The following PLEKHA6 variants were observed in gnomAD, a reference collection of about 807,000 sequenced individuals.
PLEKHA6 encodes the protein pleckstrin homology domain containing A6, also known as pleckstrin homology domain-containing family A member 6.
A neutral mutation model predicts 116.7 loss-of-function variants in PLEKHA6; 60 were observed. The ratio of observed to expected loss-of-function variants is 0.51; its 90% CI spans 0.42 to 0.64. The LOEUF (loss-of-function observed/expected upper bound fraction) is 0.64, where lower values mean the gene tolerates loss of function less well. PLEKHA6 is among the 30% of genes least tolerant of loss of function. The pLI is 0.00. For missense variants in PLEKHA6, 1,338 were observed against 1,422.7 expected, an observed-to-expected ratio of 0.94 and a Z score of 0.96; for synonymous variants, 489 against 556.1, an observed-to-expected ratio of 0.88 and a Z score of 1.70.
intron 21 of PLEKHA6, among the ~76,000 whole-genome samples, chr1:204,224,132 T>G (rs1558006765): frequency 6.6e-6 from 1 of 152,082 alleles, no homozygotes; most frequent in African/African-American, 2.4e-5. Context: ...CGGAAACATG[T>G]TCCCTGCTAA....
intron 22 of PLEKHA6, among the ~76,000 whole-genome samples, chr1:204,222,981 G>A (rs997696071): frequency 1.3e-5 from 2 of 152,212 alleles, no homozygotes; most frequent in African/African-American, 2.4e-5. Flanking sequence ...TGGGCTAGGG[G>A]CAAGGGAAGG....
At chr1:204,252,468 T>C (rs574863155) in intron 9 of PLEKHA6, among the ~76,000 whole-genome samples, 3 of 152,132 alleles carry the variant, frequency 2.0e-5, no homozygotes, top group Admixed American at 6.5e-5. Context: ...TATCAGGGAA[T>C]GTCTTTGGCT....
Position 204,257,247 on chromosome 1 carries a change from GC to G in PLEKHA6, c.1524+105del. ...GGTCCTGCAGACAAACGGCCCAGTG[GC>G]CCCGTGGCACAGATGCTCCCACATC... On this transcript the variant is annotated intron_variant, in intron 9 of 22. Transcript: ENST00000272203. This position sits in a 1 kb window ranked among gnomAD's most constrained non-coding sequence, Gnocchi z 6.5. 2.7e-6 allele frequency: 3 copies of G among 1,098,312 alleles called. No homozygotes were observed. Among genetic ancestry groups the G allele is most frequent in the Non-Finnish European group, 4.0e-6 (3 of 752,442 alleles). The allele number at this position is 1,098,312 out of a possible 1,614,324, so 68.0% of individuals were successfully genotyped here.
At chr1:204,262,908 C>G (rs1666310415) in intron 6 of PLEKHA6, among the ~76,000 whole-genome samples, 1 of 152,090 alleles carries the variant, frequency 6.6e-6, no homozygotes, top group South Asian at 2.1e-4. Context: ...CCCAAGCAAG[C>G]CTTCTAGGTG....
intron 1 of PLEKHA6, among the ~76,000 whole-genome samples, chr1:204,321,253 A>G (rs1470066950): frequency 6.6e-6 from 1 of 152,134 alleles, no homozygotes; most frequent in African/African-American, 2.4e-5. Context: ...CAGGCAGGCT[A>G]CAAGCCTCTC....
At chr1:204,317,038 C>T (rs1671887169) in intron 1 of PLEKHA6, 1 of 156,652 alleles carries the variant, frequency 6.4e-6, no homozygotes, top group Non-Finnish European at 1.4e-5. Flanking sequence ...TTCCAGTCTC[C>T]TCCAGCCTGG....
At chr1:204,231,858 G>A (rs527614507) in intron 17 of PLEKHA6, among the ~76,000 whole-genome samples, 97 of 152,160 alleles carry the variant, frequency 6.4e-4, no homozygotes, top group African/African-American at 2.2e-3. Flanking sequence ...GAGCCACCAT[G>A]CCTGGTCTGT....
chr1:204,268,578 CTTTT>C (rs68190806), intron 3 of PLEKHA6, among the ~76,000 whole-genome samples: 1 of 136,636 alleles, frequency 7.3e-6, no homozygotes. Context: ...GTCTCACAGC[CTTTT>C]TTTTTTTTTT....
At chr1:204,268,357 T>G in intron 3 of PLEKHA6, 45 bp from the exon 4 acceptor site, 1 of 1,406,812 alleles carries the variant, frequency 7.1e-7, no homozygotes, top group Non-Finnish European at 9.8e-7. Flanking sequence ...AGTCTCCTCC[T>G]TCCTGCTTTA....
At chr1:204,245,816 C>T (rs751845349) in intron 13 of PLEKHA6, 90 bp from the exon 14 acceptor site, 1 of 864,064 alleles carries the variant, frequency 1.2e-6, no homozygotes, top group Non-Finnish European at 1.9e-6. Flanking sequence ...ACCCACATCC[C>T]TTTGGGCCAG....
In PLEKHA6 at chr1:204,247,953, T is replaced by TAAA. The variant is rs10667581; in HGVS notation, c.1825-496_1825-494dup. Among the ~76,000 whole-genome samples, 495 of 148,288 alleles carry TAAA rather than the reference T, an allele frequency of 3.3e-3. 3 individuals are homozygous for TAAA. The highest frequency in any genetic ancestry group is 5.7e-3 in the Admixed American group (85 of 14,936). ...GGGTGACACAGTGAGACCCTGTTCT[T>TAAA]AAAAAAAAAAAAATTTAAGTGGAGG... On this transcript the variant is annotated intron_variant, in intron 12 of 22. Coordinates refer to ENST00000272203, the MANE Select transcript of PLEKHA6 (RefSeq NM_014935.5).
At chr1:204,318,918 G>T (rs1489665197) in intron 1 of PLEKHA6, among the ~76,000 whole-genome samples, 1 of 152,184 alleles carries the variant, frequency 6.6e-6, no homozygotes, top group Admixed American at 6.5e-5. Flanking sequence ...GAGTGAGCCC[G>T]CAGTGCAGAG....
intron 1 of PLEKHA6, chr1:204,299,523 CAG>C (rs1670612249): frequency 1.9e-6 from 1 of 526,500 alleles, no homozygotes; most frequent in Non-Finnish European, 2.4e-6. Context: ...CCGAAGGACT[CAG>C]GGAGCTCTGA....
intron 1 of PLEKHA6, among the ~76,000 whole-genome samples, chr1:204,349,540 CA>C (rs11403796): frequency 0.058 from 6,711 of 115,106 alleles, 442 homozygotes; most frequent in African/African-American, 0.19. Flanking sequence ...GACTCCATCT[CA>C]AAAAAAAAAA....
intron 1 of PLEKHA6, among the ~76,000 whole-genome samples, chr1:204,337,885 T>G (rs1672708514): frequency 1.3e-5 from 2 of 152,146 alleles, no homozygotes; most frequent in Admixed American, 1.3e-4. Flanking sequence ...GCATGCCAGG[T>G]GGGTAAAGTG....
In PLEKHA6 at chr1:204,238,582, A is replaced by G. The variant is rs552112201; in HGVS notation, c.2409+2793T>C. On this transcript the variant is annotated intron_variant, in intron 17 of 22. Coordinates refer to ENST00000272203, the MANE Select transcript of PLEKHA6 (RefSeq NM_014935.5). This position sits in a 1 kb window ranked among gnomAD's most constrained non-coding sequence, Gnocchi z 4.2. ...AAATGGAAGTGGTATATATGTGATC[A>G]GGCTCGAGCAGGTCCTGAAGGCACA... 3.9e-5 allele frequency among the ~76,000 whole-genome samples: 6 copies of G among 152,306 alleles called. No homozygotes were observed. In the South Asian group the frequency reaches 1.2e-3, roughly 32 times the overall value.
rs114849686 is a variant in PLEKHA6 at position 204,372,813 on chromosome 1, C to T, written c.84-1207G>A. On this transcript the variant is annotated intron_variant, in intron 1 of 4. Transcript: ENST00000564627. ...CAGCAACTGATTTGTTTTCTGTTAC[C>T]ATAGATTAGTTGCATTTTCCAGAGT... 5.9e-3 allele frequency among the ~76,000 whole-genome samples: 892 copies of T among 152,132 alleles called. 6 individuals carry two copies. The highest frequency in any genetic ancestry group is 0.02 in the African/African-American group (849 of 41,482).
At chr1:204,375,252 T>C (rs1244338939) in intron 1 of PLEKHA6, among the ~76,000 whole-genome samples, 3 of 152,106 alleles carry the variant, frequency 2.0e-5, no homozygotes, top group Non-Finnish European at 4.4e-5. Flanking sequence ...CTCTATCCTG[T>C]ATATCCAGTT....
chr1:204,226,716 T>A (rs1660415217), intron 21 of PLEKHA6, among the ~76,000 whole-genome samples: 1 of 152,138 alleles, frequency 6.6e-6, no homozygotes, highest in African/African-American at 2.4e-5. Flanking sequence ...CATTCTAAAG[T>A]CCATTACACC....
Sources: gnomAD v4.1 joint callset for allele counts (sites outside exome capture counted in the v4.1 genomes callset) on GRCh38, gnomAD v4.1.1 for gene constraint, Gnocchi (gnomAD v3.1) non-coding constraint, MANE v1.5 for transcripts, NCBI Gene and HGNC (gene_info 2026-07-23, HGNC 2026-07-21) for gene names.